HS6ST3: variants seen among roughly 807,000 people sequenced by gnomAD.
The protein encoded by HS6ST3 is heparan-sulfate 6-O-sulfotransferase 3.
In HS6ST3, 12 loss-of-function variants were observed where a neutral mutation model predicts 36.7. The observed-to-expected ratio is 0.33, with a 90% CI of 0.21 to 0.53. The LOEUF (loss-of-function observed/expected upper bound fraction) is 0.53. HS6ST3 is among the 20% of genes least tolerant of loss of function. The pLI, the probability that HS6ST3 is intolerant of heterozygous loss-of-function variation, is 0.95. For synonymous variants in HS6ST3, 240 were observed against 257.5 expected, an observed-to-expected ratio of 0.93 and a Z score of 0.65; for missense variants, 584 against 640.9, an observed-to-expected ratio of 0.91 and a Z score of 0.96.
chr13:96,437,425 AT>A (rs1199490958), intron 1 of HS6ST3, among the ~76,000 whole-genome samples: 1 of 152,014 alleles, frequency 6.6e-6, no homozygotes, highest in Non-Finnish European at 1.5e-5. Flanking sequence ...AAGATTTTAC[AT>A]TTTCTGAAGG....
In HS6ST3 at chr13:96,546,318, GTGTGTGTGTGTGTTCACACT is replaced by G. The variant is rs142433742; in HGVS notation, c.708-286163_708-286144del. Among the ~76,000 whole-genome samples, 1,425 of 152,098 alleles carry G rather than the reference GTGTGTGTGTGTGTTCACACT, an allele frequency of 9.4e-3. 27 individuals carry two copies. The highest frequency in any genetic ancestry group is 0.032 in the African/African-American group (1,335 of 41,516). Reference sequence around the variant, plus strand: ...CTAGAGAACCATTACAGGGGCGTGTGTGTGTGTGTGTGTTCACACTTGTGTGTGAAACATAATTTAAGCTC... The same window carrying G: ...CTAGAGAACCATTACAGGGGCGTGTGTGTGTGTGAAACATAATTTAAGCTC... On this transcript the variant is annotated intron_variant, in intron 1 of 1. Transcript: ENST00000376705.
intron 1 of HS6ST3, among the ~76,000 whole-genome samples, chr13:96,160,181 A>G (rs979993570): frequency 3.3e-5 from 5 of 152,190 alleles, no homozygotes; most frequent in African/African-American, 1.2e-4. Context: ...AATAGAGCAC[A>G]TTGTATGTAA....
chr13:96,275,504 T>G (rs1398527188), intron 1 of HS6ST3, among the ~76,000 whole-genome samples: 1 of 152,210 alleles, frequency 6.6e-6, no homozygotes, highest in Non-Finnish European at 1.5e-5. Flanking sequence ...AGAATTTCCA[T>G]GTATTCATTT....
chr13:96,607,684 G>A (rs909686881), intron 1 of HS6ST3, among the ~76,000 whole-genome samples: 1 of 152,150 alleles, frequency 6.6e-6, no homozygotes, highest in Non-Finnish European at 1.5e-5. Flanking sequence ...TGGTATTATT[G>A]TTAGGTTCTG....
chr13:96,790,021 T>G (rs957709233), intron 1 of HS6ST3, among the ~76,000 whole-genome samples: 4 of 151,892 alleles, frequency 2.6e-5, no homozygotes, highest in African/African-American at 9.7e-5. Context: ...GCTTTTTCCT[T>G]TCATTTTGGG....
intron 1 of HS6ST3, among the ~76,000 whole-genome samples, chr13:96,120,253 C>T (rs2139305770): frequency 6.6e-6 from 1 of 152,316 alleles, no homozygotes; most frequent in Non-Finnish European, 1.5e-5. Flanking sequence ...GCCCTGGTTT[C>T]AGATTCCTGG....
At chr13:96,605,270 T>A (rs1374721782) in intron 1 of HS6ST3, among the ~76,000 whole-genome samples, 1 of 152,116 alleles carries the variant, frequency 6.6e-6, no homozygotes, top group Non-Finnish European at 1.5e-5. Context: ...AATATTCCTA[T>A]GGATTATAGG....
rs149735874 is a variant in HS6ST3 at position 96,674,306 on chromosome 13, A to G, written c.708-158184A>G. 4.1e-3 allele frequency among the ~76,000 whole-genome samples: 621 copies of G among 152,142 alleles called. 3 individuals carry two copies. Among genetic ancestry groups the G allele is most frequent in the Non-Finnish European group, 7.6e-3 (519 of 67,986 alleles). On this transcript the variant is annotated intron_variant, in intron 1 of 1. Coordinates refer to ENST00000376705, the MANE Select transcript of HS6ST3 (RefSeq NM_153456.4). ...AGGCCTCCCAAGCCATGCTTCCTGTACAGCCTGTGGAACCGTGAGCCAATT... is the reference window on the plus strand; with the variant it reads ...AGGCCTCCCAAGCCATGCTTCCTGTGCAGCCTGTGGAACCGTGAGCCAATT...
At chr13:96,731,746 C>T (rs1275315815) in intron 1 of HS6ST3, among the ~76,000 whole-genome samples, 2 of 151,980 alleles carry the variant, frequency 1.3e-5, no homozygotes, top group African/African-American at 4.8e-5. Context: ...GCAGCCTTCC[C>T]CCTGGCTCAG....
chr13:96,467,177 T>A (rs1021607241), intron 1 of HS6ST3, among the ~76,000 whole-genome samples: 3 of 152,188 alleles, frequency 2.0e-5, no homozygotes, highest in Non-Finnish European at 4.4e-5. Context: ...GCCTTGTTTT[T>A]TTCCTAGAAG....
chr13:96,704,793 A>C lies in HS6ST3; in HGVS notation c.708-127697A>C, dbSNP rs1875377680. ...CCCAAATTCCTAAATGTCTGAGCGCACAACTATAATACGTAGGTAACTTGA... is the reference window on the plus strand; with the variant it reads ...CCCAAATTCCTAAATGTCTGAGCGCCCAACTATAATACGTAGGTAACTTGA... On this transcript the variant is annotated intron_variant, in intron 1 of 1. Coordinates refer to ENST00000376705, the MANE Select transcript of HS6ST3 (RefSeq NM_153456.4). Among the ~76,000 whole-genome samples, 4 of 152,280 alleles carry C rather than the reference A, an allele frequency of 2.6e-5. No homozygotes were observed. The South Asian group carries it at 8.3e-4, about 32-fold the overall frequency.
intron 1 of HS6ST3, among the ~76,000 whole-genome samples, chr13:96,619,641 GATGTA>G (rs1309916162): frequency 2.0e-5 from 3 of 152,162 alleles, no homozygotes; most frequent in Non-Finnish European, 2.9e-5. Context: ...TTGGATTTTA[GATGTA>G]ATGTACCATA....
chr13:96,530,655 C>T (rs546628682), intron 1 of HS6ST3, among the ~76,000 whole-genome samples: 2 of 152,196 alleles, frequency 1.3e-5, no homozygotes, highest in South Asian at 4.1e-4. Flanking sequence ...CCATGTCTGG[C>T]CTAACTCATC....
chr13:96,674,875 C>G (rs895018955), intron 1 of HS6ST3, among the ~76,000 whole-genome samples: 1 of 152,196 alleles, frequency 6.6e-6, no homozygotes, highest in Non-Finnish European at 1.5e-5. Flanking sequence ...CTCTCACATT[C>G]TCAAGAGAAA....
At chr13:96,238,868 G>T (rs2054547011) in intron 1 of HS6ST3, among the ~76,000 whole-genome samples, 1 of 152,172 alleles carries the variant, frequency 6.6e-6, no homozygotes, top group Non-Finnish European at 1.5e-5. Flanking sequence ...GAAGAGAAAG[G>T]GTAAAAATGA....
chr13:96,540,637 G>C (rs2056174087), intron 1 of HS6ST3, among the ~76,000 whole-genome samples: 1 of 152,160 alleles, frequency 6.6e-6, no homozygotes, highest in Non-Finnish European at 1.5e-5. Context: ...TTTAAGCCAT[G>C]CCATTAATTA....
At chr13:96,496,291 G>A (rs887942972) in intron 1 of HS6ST3, among the ~76,000 whole-genome samples, 2 of 152,164 alleles carry the variant, frequency 1.3e-5, no homozygotes, top group African/African-American at 4.8e-5. Context: ...GAAGTTCCTA[G>A]AAAATATTCT....
chr13:96,751,306 T>C (rs1376120402), intron 1 of HS6ST3, among the ~76,000 whole-genome samples: 2 of 152,106 alleles, frequency 1.3e-5, no homozygotes, highest in African/African-American at 4.8e-5. Context: ...TTTGTCATTA[T>C]AGGATAAAGG....
intron 1 of HS6ST3, among the ~76,000 whole-genome samples, chr13:96,433,866 C>T (rs555812546): frequency 2.6e-5 from 4 of 152,230 alleles, no homozygotes; most frequent in South Asian, 4.2e-4. Flanking sequence ...ATCCTGGAGG[C>T]GGAGGCTGCA....
Sources: allele counts gnomAD v4.1 joint callset (sites outside exome capture counted in the v4.1 genomes callset), GRCh38; gene constraint gnomAD v4.1.1; transcripts MANE v1.5; gene names NCBI Gene and HGNC (gene_info 2026-07-23, HGNC 2026-07-21).